The following MTMR3 variants were observed in gnomAD, a reference collection of about 807,000 sequenced individuals.
MTMR3 encodes the protein phosphatidylinositol-3,5-bisphosphate 3-phosphatase MTMR3.
MTMR3 carries 32 observed loss-of-function variants against 132.4 expected under a neutral mutation model. That is an observed-to-expected ratio of 0.24 (90% CI 0.18 to 0.32). The LOEUF (loss-of-function observed/expected upper bound fraction) is 0.32, where lower values mean the gene tolerates loss of function less well. Among genes scored for constraint, MTMR3 ranks in the 10% least tolerant of loss-of-function variants. The probability of loss-of-function intolerance (pLI) is 1.00; values close to 1 mark genes in which losing one functional copy is unlikely to be tolerated. For synonymous variants in MTMR3, 556 were observed against 550.3 expected, an observed-to-expected ratio of 1.01 and a Z score of -0.14; for missense variants, 1,216 against 1,489.6, an observed-to-expected ratio of 0.82 and a Z score of 3.02.
rs59964116 is a variant in MTMR3, at chr22:29,957,415, G to GTATTTATT, written c.-85+364_-85+371dup. On this transcript the variant is annotated intron_variant, in intron 2 of 19. Coordinates refer to ENST00000401950, the MANE Select transcript of MTMR3 (RefSeq NM_021090.4). ...TAAATAGATTTATCAATCTCCAGTT[G>GTATTTATT]TATTTATTTATTTATTTATTTATTT... 1.8e-3 allele frequency among the ~76,000 whole-genome samples: 260 copies of GTATTTATT among 147,106 alleles called. 1 individual carries two copies. Among genetic ancestry groups the GTATTTATT allele is most frequent in the Admixed American group, 7.1e-3 (105 of 14,702 alleles).
At chr22:29,898,305 CAAT>C (rs988994895) in intron 1 of MTMR3, among the ~76,000 whole-genome samples, 22 of 152,054 alleles carry the variant, frequency 1.4e-4, no homozygotes, top group African/African-American at 5.1e-4. Context: ...CTTTTTCTCC[CAAT>C]AATAATAGTG....
Position 29,978,423 on chromosome 22 carries a change from AG to A in MTMR3, c.4-17del. The A allele has an allele frequency of 6.3e-7, 1 of 1,588,928 alleles. No individual in the cohort carries two copies. Among genetic ancestry groups the A allele is most frequent in the Non-Finnish European group, 8.6e-7 (1 of 1,162,088 alleles). ...GATTAGAAGCTTTGAAATTATTTTA[AG>A]GTTTTGGACTTTTCCAGGATGAAGA... On this transcript the variant is annotated intron_variant, in intron 3 of 19. Coordinates refer to ENST00000401950, the MANE Select transcript of MTMR3 (RefSeq NM_021090.4).
chr22:29,899,419 A>G (rs1162034411), intron 1 of MTMR3, among the ~76,000 whole-genome samples: 5 of 152,334 alleles, frequency 3.3e-5, no homozygotes, highest in African/African-American at 1.2e-4. Flanking sequence ...TTTATTCTGT[A>G]AGTAGCAAAT....
intron 3 of MTMR3, among the ~76,000 whole-genome samples, chr22:29,976,200 G>A (rs2145880759): frequency 6.6e-6 from 1 of 151,126 alleles, no homozygotes; most frequent in Admixed American, 6.6e-5. Flanking sequence ...AAGCTATAAA[G>A]TTCATGGTGG....
chr22:29,992,838 CT>C (rs1368405736), intron 7 of MTMR3: 1 of 152,184 alleles, frequency 6.6e-6, no homozygotes, highest in Non-Finnish European at 1.5e-5. Flanking sequence ...TATTAAAATG[CT>C]TGTAGCATTA....
intron 1 of MTMR3, among the ~76,000 whole-genome samples, chr22:29,924,606 G>A (rs960683917): frequency 5.3e-5 from 8 of 152,206 alleles, no homozygotes; most frequent in Middle Eastern, 3.4e-3. Flanking sequence ...AATGCCATTG[G>A]GATTTTAATA....
intron 9 of MTMR3, chr22:30,005,066 TGTG>T (rs2067248241): frequency 6.6e-6 from 1 of 152,232 alleles, no homozygotes; most frequent in Admixed American, 6.5e-5. Flanking sequence ...CCTTTGTGCA[TGTG>T]GTGATTATTC....
chr22:29,976,118 G>A lies in MTMR3; in HGVS notation c.4-2324G>A, dbSNP rs533960363. 2.3e-3 allele frequency among the ~76,000 whole-genome samples: 275 copies of A among 120,970 alleles called. 2 individuals carry two copies. Among genetic ancestry groups the A allele is most frequent in the African/African-American group, 7.9e-3 (261 of 32,854 alleles). The allele number at this position is 120,970 out of a possible 152,430, so 79.4% of individuals were successfully genotyped here. On this transcript the variant is annotated intron_variant, in intron 3 of 19. Transcript: ENST00000401950. ...AAAAGTTGACATTTTATTATAGTGT[G>A]TGTTTTTTTTTTTTTTTTAAATCAC...
At chr22:29,924,991 A>T (rs763316284) in intron 1 of MTMR3, among the ~76,000 whole-genome samples, 1 of 152,212 alleles carries the variant, frequency 6.6e-6, no homozygotes, top group Non-Finnish European at 1.5e-5. Context: ...TAGGCTTTTA[A>T]AATGTTTGGC....
At chr22:29,949,137 ACACACACCCCCCCCC>A (rs746366479) in intron 1 of MTMR3, among the ~76,000 whole-genome samples, 4,649 of 35,698 alleles carry the variant, frequency 0.13, 183 homozygotes, top group African/African-American at 0.2. Flanking sequence ...ACACACACAC[ACACACACCCCCCCCC>A]CCCCCCCCGA....
In MTMR3 at chr22:29,949,444, C is replaced by G. The variant is rs529164034; in HGVS notation, c.-137-7592C>G. ...CCAGGAGGCAGAGGTTGCAGTGAGC[C>G]GAGATCATGCCACTGCACTCAAGCC... On this transcript the variant is annotated intron_variant, in intron 1 of 19. Coordinates refer to ENST00000401950, the MANE Select transcript of MTMR3 (RefSeq NM_021090.4). 3.3e-4 allele frequency among the ~76,000 whole-genome samples: 50 copies of G among 150,118 alleles called. 1 individual carries two copies. Among genetic ancestry groups the G allele is most frequent in the African/African-American group, 1.1e-3 (46 of 40,684 alleles).
At chr22:29,907,774 A>G (rs543459791) in intron 1 of MTMR3, among the ~76,000 whole-genome samples, 2 of 152,064 alleles carry the variant, frequency 1.3e-5, no homozygotes, top group African/African-American at 2.4e-5. Context: ...GCTTGCTTGG[A>G]TGTGTATCTG....
intron 4 of MTMR3, 38 bp from the exon 5 acceptor site, chr22:29,978,898 C>A: frequency 7.4e-6 from 10 of 1,343,650 alleles, no homozygotes; most frequent in Non-Finnish European, 1.0e-5. Flanking sequence ...TTTTTTTTAA[C>A]TGCTTCAGAA....
At chr22:29,955,748 C>CT (rs971811591) in intron 1 of MTMR3, among the ~76,000 whole-genome samples, 9 of 151,694 alleles carry the variant, frequency 5.9e-5, no homozygotes, top group Admixed American at 3.9e-4. Context: ...ATTTTACTGA[C>CT]TTTTTTTTTC....
At chr22:29,933,917 T>A (rs2065695782) in intron 1 of MTMR3, among the ~76,000 whole-genome samples, 1 of 152,142 alleles carries the variant, frequency 6.6e-6, no homozygotes, top group South Asian at 2.1e-4. Flanking sequence ...CTCAATGAGA[T>A]GATGCACTTG....
intron 10 of MTMR3, 82 bp downstream of exon 10, chr22:30,007,401 C>A: frequency 1.5e-6 from 2 of 1,324,036 alleles, no homozygotes; most frequent in Non-Finnish European, 2.1e-6. Context: ...CCTTACAAGA[C>A]ATAGATTTAC....
intron 2 of MTMR3, among the ~76,000 whole-genome samples, chr22:29,962,661 C>G (rs970681550): frequency 2.0e-5 from 3 of 152,102 alleles, no homozygotes; most frequent in African/African-American, 7.2e-5. Context: ...GCCTGGGCAG[C>G]AGAGCAAGAC....
intron 5 of MTMR3, chr22:29,982,221 A>C (rs2066762420): frequency 6.7e-6 from 1 of 149,676 alleles, no homozygotes; most frequent in African/African-American, 2.5e-5. Flanking sequence ...TAAAAAAAAA[A>C]AAAAAAAAAA....
intron 3 of MTMR3, among the ~76,000 whole-genome samples, chr22:29,972,319 G>A (rs893071236): frequency 1.3e-5 from 2 of 152,074 alleles, no homozygotes; most frequent in Non-Finnish European, 2.9e-5. Context: ...TATACCACAC[G>A]GCTAGTAACA....
Sources: allele counts gnomAD v4.1 joint callset (sites outside exome capture counted in the v4.1 genomes callset), GRCh38; gene constraint gnomAD v4.1.1; transcripts MANE v1.5; gene names NCBI Gene and HGNC (gene_info 2026-07-23, HGNC 2026-07-21).